NCAM1: variants seen among roughly 807,000 people sequenced by gnomAD.
The protein encoded by NCAM1 is neural cell adhesion molecule 1, also known as antigen recognized by monoclonal antibody 5.1H11.
Under a neutral mutation model 109.8 loss-of-function variants are expected in NCAM1, and 14 were observed. The observed-to-expected ratio is 0.13, with a 90% CI of 0.08 to 0.20. NCAM1 has a LOEUF of 0.20. Ranked by LOEUF, NCAM1 falls within the 10% of genes least tolerant of loss-of-function variation. NCAM1 has a pLI of 1.00. For missense variants in NCAM1, 774 were observed against 1,109.9 expected, an observed-to-expected ratio of 0.70 and a Z score of 4.30; for synonymous variants, 418 against 442.9, an observed-to-expected ratio of 0.94 and a Z score of 0.70.
intron 1 of NCAM1, among the ~76,000 whole-genome samples, chr11:113,146,182 C>A (rs1170237628): frequency 6.6e-6 from 1 of 152,152 alleles, no homozygotes; most frequent in African/African-American, 2.4e-5. Context: ...TAACACTTGA[C>A]ATTTGCTTTC....
At chr11:113,048,107 T>C (rs1408728629) in intron 1 of NCAM1, among the ~76,000 whole-genome samples, 2 of 152,186 alleles carry the variant, frequency 1.3e-5, no homozygotes, top group Non-Finnish European at 2.9e-5. Flanking sequence ...TGGTGACTGC[T>C]GCTGAGACTT....
chr11:113,030,572 T>A (rs1952685085), intron 1 of NCAM1, among the ~76,000 whole-genome samples: 1 of 152,206 alleles, frequency 6.6e-6, no homozygotes, highest in African/African-American at 2.4e-5. Context: ...GGTGAGATTA[T>A]CAATCTCACT....
intron 2 of NCAM1, among the ~76,000 whole-genome samples, chr11:113,204,029 AC>A (rs1944157594): frequency 2.0e-5 from 3 of 152,180 alleles, no homozygotes; most frequent in African/African-American, 7.2e-5. Flanking sequence ...TAGGGATAGG[AC>A]CATGATAACA....
chr11:113,095,178 G>A (rs1449989266), intron 1 of NCAM1, among the ~76,000 whole-genome samples: 1 of 152,124 alleles, frequency 6.6e-6, no homozygotes, highest in African/African-American at 2.4e-5. Context: ...CAGTATAGCT[G>A]ATCCATCATA....
At chr11:113,134,547 C>T (rs552049406) in intron 1 of NCAM1, among the ~76,000 whole-genome samples, 1 of 152,248 alleles carries the variant, frequency 6.6e-6, no homozygotes, top group East Asian at 1.9e-4. Context: ...ATTTTCAACA[C>T]AGCCAAGCCA....
At position 113,022,771 on chromosome 11, in the gene NCAM1, C is replaced by T. The variant is rs55677027; in HGVS notation, c.52+61107C>T. Among the ~76,000 whole-genome samples, 1,073 of 152,244 alleles carry T rather than the reference C, an allele frequency of 7.0e-3. 8 individuals are homozygous for T. Among genetic ancestry groups the T allele is most frequent in the Non-Finnish European group, 0.011 (746 of 68,018 alleles). On this transcript the variant is annotated intron_variant, in intron 1 of 19. Transcript: ENST00000316851. ...TGTTATGGTGGTTTCACCATGTGAT[C>T]GGGGAACCAGGATCCTAGTTTTCCA...
chr11:113,161,711 ACT>A (rs1312603559), intron 1 of NCAM1, among the ~76,000 whole-genome samples: 1 of 152,026 alleles, frequency 6.6e-6, no homozygotes, highest in Admixed American at 6.5e-5. Context: ...AGTAAAAGAA[ACT>A]CTTGTTGATT....
intron 7 of NCAM1, among the ~76,000 whole-genome samples, chr11:113,213,771 C>T (rs1354068888): frequency 1.3e-5 from 2 of 152,204 alleles, no homozygotes; most frequent in Non-Finnish European, 2.9e-5. Flanking sequence ...CTGGTTTTCC[C>T]ACTTCAAAGT....
chr11:113,228,362 A>T (rs1156285919), intron 9 of NCAM1, among the ~76,000 whole-genome samples: 1 of 152,226 alleles, frequency 6.6e-6, no homozygotes, highest in Non-Finnish European at 1.5e-5. Flanking sequence ...AATACCTGGG[A>T]ATCCAACTTA....
chr11:112,998,662 A>G (rs1367855716), intron 1 of NCAM1, among the ~76,000 whole-genome samples: 1 of 152,080 alleles, frequency 6.6e-6, no homozygotes, highest in Non-Finnish European at 1.5e-5. Flanking sequence ...CGACACTAAG[A>G]TGCTTTCCTT....
At chr11:113,207,682 A>C (rs2136950284) in intron 6 of NCAM1, 151 bp from the exon 7 acceptor site, 2 of 790,898 alleles carry the variant, frequency 2.5e-6, no homozygotes, top group South Asian at 3.5e-5. Context: ...TAAGAGGTGT[A>C]TGTGGACGTT....
chr11:113,041,634 AT>A (rs1953077028), intron 1 of NCAM1, among the ~76,000 whole-genome samples: 1 of 152,178 alleles, frequency 6.6e-6, no homozygotes. Flanking sequence ...AGAAGATATA[AT>A]GAAGATCTTT....
At chr11:113,060,870 C>T (rs181602244) in intron 1 of NCAM1, among the ~76,000 whole-genome samples, 75 of 152,226 alleles carry the variant, frequency 4.9e-4, no homozygotes, top group Middle Eastern at 3.4e-3. Context: ...TACAAGATAG[C>T]GATCAAGATG....
In NCAM1 at chr11:112,991,143, G is replaced by T. The variant is rs554575672; in HGVS notation, c.52+29479G>T. Among the ~76,000 whole-genome samples the T allele has an allele frequency of 8.5e-5, 13 of 152,216 alleles. No individual in the cohort carries two copies. The South Asian group carries it at 2.5e-3, about 29-fold the overall frequency. ...TTTAGGTAGAATGCCATTATAGGTGGCATGGATTGGAACTGAGAATTAATA... is the reference window on the plus strand; with the variant it reads ...TTTAGGTAGAATGCCATTATAGGTGTCATGGATTGGAACTGAGAATTAATA... On this transcript the variant is annotated intron_variant, in intron 1 of 19. Transcript: ENST00000316851.
chr11:113,131,902 A>C (rs1424675117), intron 1 of NCAM1, among the ~76,000 whole-genome samples: 1 of 152,186 alleles, frequency 6.6e-6, no homozygotes, highest in Non-Finnish European at 1.5e-5. Flanking sequence ...CCATTGGTAA[A>C]GGGAAGTAGG....
intron 1 of NCAM1, among the ~76,000 whole-genome samples, chr11:113,023,897 T>C (rs1335872752): frequency 6.6e-6 from 1 of 152,004 alleles, no homozygotes; most frequent in Admixed American, 6.6e-5. Flanking sequence ...TGGGGCAAGA[T>C]TTTGGTCTGA....
chr11:113,093,691 A>G (rs1422229553), intron 1 of NCAM1, among the ~76,000 whole-genome samples: 1 of 152,242 alleles, frequency 6.6e-6, no homozygotes, highest in Non-Finnish European at 1.5e-5. Context: ...AGTATCTACC[A>G]ACACAATCAG....
At chr11:113,019,176 C>A (rs1047391939) in intron 1 of NCAM1, among the ~76,000 whole-genome samples, 1 of 151,988 alleles carries the variant, frequency 6.6e-6, no homozygotes, top group Non-Finnish European at 1.5e-5. Flanking sequence ...GCTGTGATCC[C>A]TCTGGCCAGC....
intron 1 of NCAM1, among the ~76,000 whole-genome samples, chr11:113,150,794 G>A (rs907985266): frequency 1.3e-5 from 2 of 152,140 alleles, no homozygotes; most frequent in Admixed American, 1.3e-4. Flanking sequence ...GAAGGAAGAG[G>A]GATTTGGGAA....
Sources: gnomAD v4.1 joint callset for allele counts (sites outside exome capture counted in the v4.1 genomes callset) on GRCh38, gnomAD v4.1.1 for gene constraint, MANE v1.5 for transcripts, NCBI Gene and HGNC (gene_info 2026-07-23, HGNC 2026-07-21) for gene names.